TBC1D4: variants seen among roughly 807,000 people sequenced by gnomAD.
TBC1D4 encodes TBC1 domain family member 4.
Under a neutral mutation model 142.5 loss-of-function variants are expected in TBC1D4, and 121 were observed. The observed-to-expected ratio is 0.85, with a 90% CI of 0.73 to 0.99. The LOEUF is 0.99. Among genes scored for constraint, TBC1D4 ranks in the 50% least tolerant of loss-of-function variants. The probability of loss-of-function intolerance (pLI) is 0.00; values close to 1 mark genes in which losing one functional copy is unlikely to be tolerated. For missense variants in TBC1D4, 1,475 were observed against 1,606.6 expected, an observed-to-expected ratio of 0.92 and a Z score of 1.40; for synonymous variants, 630 against 628.2, an observed-to-expected ratio of 1.00 and a Z score of -0.04.
rs142888490 is a variant in TBC1D4 at position 75,470,498 on chromosome 13, T to C, written c.498+10772A>G. Among the ~76,000 whole-genome samples the C allele has an allele frequency of 6.0e-3, 919 of 152,246 alleles. 12 individuals are homozygous for C. The highest frequency in any genetic ancestry group is 0.021 in the African/African-American group (886 of 41,538). On this transcript the variant is annotated intron_variant, in intron 1 of 20. Coordinates refer to ENST00000377636, the MANE Select transcript of TBC1D4 (RefSeq NM_014832.5). The stretch of plus-strand genomic sequence containing the variant: ...GGGTTGGGGTCCAGCAATCATATTG[T>C]AACAAAACGTCCAAGGGAGGAGTCC...
At chr13:75,427,897 T>G (rs768347523) in intron 1 of TBC1D4, among the ~76,000 whole-genome samples, 1 of 152,250 alleles carries the variant, frequency 6.6e-6, no homozygotes, top group Non-Finnish European at 1.5e-5. Context: ...GAATTCATTT[T>G]GTGAACTATA....
intron 1 of TBC1D4, among the ~76,000 whole-genome samples, chr13:75,475,794 T>C (rs1171960083): frequency 6.6e-6 from 1 of 152,224 alleles, no homozygotes; most frequent in Non-Finnish European, 1.5e-5. Context: ...ACTATCATAA[T>C]CTGAAATTAG....
chr13:75,303,420 G>A (rs530787300), intron 15 of TBC1D4, among the ~76,000 whole-genome samples: 3 of 152,248 alleles, frequency 2.0e-5, no homozygotes, highest in Non-Finnish European at 4.4e-5. Flanking sequence ...CACATATAAT[G>A]AAACATTAAC....
intron 1 of TBC1D4, among the ~76,000 whole-genome samples, chr13:75,416,927 A>C (rs1321030152): frequency 6.6e-6 from 1 of 152,182 alleles, no homozygotes; most frequent in Non-Finnish European, 1.5e-5. Context: ...AAAAGAGGGC[A>C]GGGAAGGTCA....
intron 14 of TBC1D4, among the ~76,000 whole-genome samples, chr13:75,308,209 A>T (rs951059987): frequency 3.3e-5 from 5 of 152,264 alleles, no homozygotes; most frequent in Non-Finnish European, 7.3e-5. Flanking sequence ...AGAGAAACAG[A>T]GAACCGATGA....
chr13:75,437,072 G>A (rs888300448), intron 1 of TBC1D4, among the ~76,000 whole-genome samples: 4 of 152,180 alleles, frequency 2.6e-5, no homozygotes, highest in Admixed American at 1.3e-4. Context: ...CAATGAGAGA[G>A]TAGAAAAGAC....
At chr13:75,434,734 A>G (rs1464211129) in intron 1 of TBC1D4, among the ~76,000 whole-genome samples, 2 of 152,114 alleles carry the variant, frequency 1.3e-5, no homozygotes, top group African/African-American at 4.8e-5. Flanking sequence ...CAACCTATAA[A>G]AAGAATATAA....
chr13:75,304,177 T>C (rs1876913629), intron 15 of TBC1D4, among the ~76,000 whole-genome samples: 1 of 152,228 alleles, frequency 6.6e-6, no homozygotes, highest in East Asian at 1.9e-4. Context: ...AATGACAGCA[T>C]AGAAAATGTC....
At chr13:75,414,930 C>T (rs1229259528) in intron 1 of TBC1D4, among the ~76,000 whole-genome samples, 5 of 151,816 alleles carry the variant, frequency 3.3e-5, no homozygotes, top group East Asian at 1.9e-4. Context: ...TTGAGACAAG[C>T]TTGGCCAACA....
At chr13:75,367,837 T>C (rs9530426) in intron 1 of TBC1D4, among the ~76,000 whole-genome samples, 28,642 of 152,104 alleles carry the variant, frequency 0.19, 3,214 homozygotes, top group East Asian at 0.34. Context: ...TTTAATGTTA[T>C]AATTTTTAAT....
chr13:75,457,080 A>C (rs1033978824), intron 1 of TBC1D4, among the ~76,000 whole-genome samples: 3 of 152,172 alleles, frequency 2.0e-5, no homozygotes, highest in Non-Finnish European at 4.4e-5. Context: ...CACAAGCAAA[A>C]GTCATCTATG....
At chr13:75,455,618 C>A (rs1400554583) in intron 1 of TBC1D4, among the ~76,000 whole-genome samples, 2 of 151,986 alleles carry the variant, frequency 1.3e-5, no homozygotes, top group Non-Finnish European at 2.9e-5. Flanking sequence ...ATCGTCAAAT[C>A]AAGTGCAGAC....
At chr13:75,398,443 C>T (rs931338535) in intron 1 of TBC1D4, among the ~76,000 whole-genome samples, 1 of 152,114 alleles carries the variant, frequency 6.6e-6, no homozygotes, top group Admixed American at 6.5e-5. Flanking sequence ...GAAGGCGGGA[C>T]AGAAGAAGAT....
intron 7 of TBC1D4, among the ~76,000 whole-genome samples, chr13:75,339,039 G>A (rs536683209): frequency 6.6e-5 from 10 of 152,218 alleles, no homozygotes; most frequent in African/African-American, 1.4e-4. Flanking sequence ...GCTTCAAGAC[G>A]AATTATTCAA....
intron 1 of TBC1D4, among the ~76,000 whole-genome samples, chr13:75,416,243 C>G (rs888978986): frequency 1.3e-5 from 2 of 152,190 alleles, no homozygotes; most frequent in African/African-American, 4.8e-5. Flanking sequence ...AGAAGGGAAA[C>G]TAGGCATGCA....
chr13:75,463,747 T>C (rs1182788979), intron 1 of TBC1D4, among the ~76,000 whole-genome samples: 2 of 152,164 alleles, frequency 1.3e-5, no homozygotes, highest in East Asian at 3.9e-4. Flanking sequence ...ACTGTTAACA[T>C]CAGCTCATCT....
intron 18 of TBC1D4, among the ~76,000 whole-genome samples, chr13:75,292,725 A>T (rs779412804): frequency 6.1e-4 from 44 of 71,772 alleles, no homozygotes; most frequent in African/African-American, 1.2e-3. Context: ...CCAGGAAATT[A>T]AAAAAAAAAA....
intron 1 of TBC1D4, among the ~76,000 whole-genome samples, chr13:75,375,185 A>G (rs1229088698): frequency 6.6e-6 from 1 of 152,226 alleles, no homozygotes; most frequent in East Asian, 1.9e-4. Flanking sequence ...TGCAGTAACA[A>G]AATAAAACCA....
chr13:75,376,147 T>C (rs1593811388), intron 1 of TBC1D4: 2 of 152,204 alleles, frequency 1.3e-5, no homozygotes, highest in East Asian at 3.9e-4. Context: ...GATATGTCCT[T>C]AAGAAAAGTA....
Sources: gnomAD v4.1 joint callset for allele counts (sites outside exome capture counted in the v4.1 genomes callset) on GRCh38, gnomAD v4.1.1 for gene constraint, MANE v1.5 for transcripts, NCBI Gene and HGNC (gene_info 2026-07-23, HGNC 2026-07-21) for gene names.